The following TNR variants were observed in gnomAD, a reference collection of about 807,000 sequenced individuals.
TNR encodes tenascin-R.
In TNR, 45 loss-of-function variants were observed where a neutral mutation model predicts 150.4. The observed-to-expected ratio is 0.30, with a 90% CI of 0.24 to 0.38. The LOEUF (loss-of-function observed/expected upper bound fraction) is 0.38. Ranked by LOEUF, TNR falls within the 10% of genes least tolerant of loss-of-function variation. The probability of loss-of-function intolerance (pLI) is 1.00; values close to 1 mark genes in which losing one functional copy is unlikely to be tolerated. For synonymous variants in TNR, 687 were observed against 678.4 expected (o/e 1.01, Z -0.20); for missense variants, 1,544 against 1,759.1 (o/e 0.88, Z 2.19).
intron 1 of TNR, among the ~76,000 whole-genome samples, chr1:175,729,766 G>T (rs745357699): frequency 3.9e-5 from 6 of 152,130 alleles, no homozygotes; most frequent in Non-Finnish European, 8.8e-5. Context: ...CTGGCCTTAG[G>T]TTGTTAAAAC....
intron 15 of TNR, 117 bp from the exon 16 acceptor site, chr1:175,356,579 T>C: frequency 8.2e-7 from 1 of 1,213,296 alleles, no homozygotes; most frequent in South Asian, 1.5e-5. Context: ...GAAAAAAATC[T>C]TTCATAGGTT....
At chr1:175,686,719 C>G (rs1241406574) in intron 1 of TNR, among the ~76,000 whole-genome samples, 7 of 152,122 alleles carry the variant, frequency 4.6e-5, no homozygotes, top group African/African-American at 1.7e-4. Flanking sequence ...TTAGTTCCCG[C>G]TTATAAGTGA....
intron 1 of TNR, among the ~76,000 whole-genome samples, chr1:175,642,719 G>T (rs1664701912): frequency 6.6e-6 from 1 of 152,078 alleles, no homozygotes; most frequent in African/African-American, 2.4e-5. Flanking sequence ...ATCACTTGAG[G>T]CCAGGGGTTT....
intron 2 of TNR, among the ~76,000 whole-genome samples, chr1:175,455,139 G>A (rs72725408): frequency 0.047 from 7,116 of 152,278 alleles, 218 homozygotes; most frequent in Non-Finnish European, 0.07. Context: ...GGCCAGACAT[G>A]TGCATGAAGA....
At chr1:175,480,318 A>AAG (rs952129818) in intron 2 of TNR, among the ~76,000 whole-genome samples, 12 of 150,862 alleles carry the variant, frequency 8.0e-5, no homozygotes, top group East Asian at 3.9e-4. Context: ...GGAAGAAAGA[A>AAG]AGAGAGAGAG....
At chr1:175,732,279 G>A (rs1667662846) in intron 1 of TNR, among the ~76,000 whole-genome samples, 1 of 152,188 alleles carries the variant, frequency 6.6e-6, no homozygotes, top group South Asian at 2.1e-4. Context: ...TAAAAGAAGT[G>A]GCCCACAAGT....
intron 1 of TNR, among the ~76,000 whole-genome samples, chr1:175,693,472 CCT>C (rs1212196257): frequency 6.6e-6 from 1 of 152,186 alleles, no homozygotes; most frequent in Non-Finnish European, 1.5e-5. Flanking sequence ...TTGATCATCC[CCT>C]GTGTCACATG....
chr1:175,364,224 T>C (rs1343337559), intron 12 of TNR, among the ~76,000 whole-genome samples: 1 of 152,224 alleles, frequency 6.6e-6, no homozygotes, highest in Non-Finnish European at 1.5e-5. Context: ...CAGCCACCTT[T>C]GGTTTCAGTT....
At chr1:175,716,474 C>T (rs1007534992) in intron 1 of TNR, among the ~76,000 whole-genome samples, 4 of 152,126 alleles carry the variant, frequency 2.6e-5, no homozygotes, top group African/African-American at 9.7e-5. Flanking sequence ...TATGCTCAGT[C>T]CTGGAGGTAC....
At chr1:175,618,777 C>T (rs1663862673) in intron 1 of TNR, among the ~76,000 whole-genome samples, 1 of 152,222 alleles carries the variant, frequency 6.6e-6, no homozygotes, top group African/African-American at 2.4e-5. Context: ...CAGGAACACA[C>T]TGGAAAGAGG....
chr1:175,588,543 C>A (rs1162039187), intron 1 of TNR, among the ~76,000 whole-genome samples: 1 of 151,870 alleles, frequency 6.6e-6, no homozygotes, highest in Non-Finnish European at 1.5e-5. Context: ...AGCAGTGAAA[C>A]TTTTTCTCTC....
chr1:175,563,439 A>G (rs1661509313), intron 1 of TNR, among the ~76,000 whole-genome samples: 2 of 152,206 alleles, frequency 1.3e-5, no homozygotes, highest in South Asian at 2.1e-4. Context: ...TGCCTATTTC[A>G]TGCTCCTCAA....
At chr1:175,592,284 C>T (rs1361223137) in intron 1 of TNR, among the ~76,000 whole-genome samples, 1 of 152,234 alleles carries the variant, frequency 6.6e-6, no homozygotes, top group Non-Finnish European at 1.5e-5. Context: ...CAACTCTCTT[C>T]TTAGGCTCCT....
chr1:175,500,611 T>C (rs1158119035), intron 2 of TNR, among the ~76,000 whole-genome samples: 1 of 152,198 alleles, frequency 6.6e-6, no homozygotes, highest in African/African-American at 2.4e-5. Flanking sequence ...AGTTTTGTTT[T>C]AAAAGCAGAA....
chr1:175,526,494 C>G (rs1659851789), intron 2 of TNR, among the ~76,000 whole-genome samples: 3 of 152,152 alleles, frequency 2.0e-5, no homozygotes, highest in African/African-American at 7.2e-5. Flanking sequence ...ACACACAAAC[C>G]CAGTTTTAGG....
At chr1:175,331,082 T>TTTCCTTCTTTCTTTCC (rs1557868122) in intron 20 of TNR, among the ~76,000 whole-genome samples, 1 of 86,430 alleles carries the variant, frequency 1.2e-5, no homozygotes, top group African/African-American at 3.9e-5. Flanking sequence ...TCTTTCCTTC[T>TTTCCTTCTTTCTTTCC]TTCTTTCTTT....
chr1:175,483,861 G>A (rs948201205), intron 2 of TNR, among the ~76,000 whole-genome samples: 1 of 152,150 alleles, frequency 6.6e-6, no homozygotes, highest in African/African-American at 2.4e-5. Context: ...ACTCTGCCAG[G>A]TGCACTGTCA....
chr1:175,693,454 C>G lies in TNR; in HGVS notation c.-165+49772G>C, dbSNP rs1009964363. Among the ~76,000 whole-genome samples, 21 of 152,340 alleles carry G rather than the reference C, an allele frequency of 1.4e-4. No individual in the cohort carries two copies. The Middle Eastern group carries it at 0.01, about 74-fold the overall frequency. The stretch of plus-strand genomic sequence containing the variant: ...CCTGTTTGCCAGGGCCCTAGAGCCC[C>G]GTCTCCATTGATCATCCCCTGTGTC... On this transcript the variant is annotated intron_variant, in intron 1 of 22. Coordinates refer to ENST00000367674, the MANE Select transcript of TNR (RefSeq NM_003285.3).
chr1:175,628,046 G>A (rs1246534797), intron 1 of TNR, among the ~76,000 whole-genome samples: 1 of 152,182 alleles, frequency 6.6e-6, no homozygotes, highest in East Asian at 1.9e-4. Flanking sequence ...CAGAAGGCAG[G>A]TGAAAAAGCT....
Sources: gnomAD v4.1 joint callset for allele counts (sites outside exome capture counted in the v4.1 genomes callset) on GRCh38, gnomAD v4.1.1 for gene constraint, MANE v1.5 for transcripts, NCBI Gene and HGNC (gene_info 2026-07-23, HGNC 2026-07-21) for gene names.